LRP1: variants seen among roughly 807,000 people sequenced by gnomAD.
LRP1 encodes prolow-density lipoprotein receptor-related protein 1.
A neutral mutation model predicts 541.5 loss-of-function variants in LRP1; 51 were observed. The observed-to-expected ratio is 0.09, with a 90% CI of 0.08 to 0.12. The LOEUF is 0.12. LRP1 is among the 10% of genes least tolerant of loss of function. LRP1 has a pLI of 1.00. For synonymous variants in LRP1, 2,219 were observed against 2,470.8 expected (o/e 0.90, Z 3.02); for missense variants, 3,878 against 6,376.2 (o/e 0.61, Z 13.34).
At chr12:57,180,294 G>A in intron 31 of LRP1, 36 bp from the exon 32 acceptor site, 1 of 1,611,202 alleles carries the variant, frequency 6.2e-7, no homozygotes, top group Non-Finnish European at 8.5e-7. Context: ...CCCAGCCCTG[G>A]GCCAGACTCC....
intron 13 of LRP1, among the ~76,000 whole-genome samples, chr12:57,161,828 T>G (rs1342778990): frequency 6.6e-6 from 1 of 152,170 alleles, no homozygotes; most frequent in Non-Finnish European, 1.5e-5. Context: ...ATCACCCGTA[T>G]GTGCCCTATC....
chr12:57,212,567 G>A lies in LRP1; in HGVS notation c.*12G>A, dbSNP rs371796295. 18 of 1,566,636 alleles carry A rather than the reference G, an allele frequency of 1.1e-5. No homozygotes were observed. Among genetic ancestry groups the A allele is most frequent in the Middle Eastern group, 1.7e-4 (1 of 5,822 alleles). The stretch of plus-strand genomic sequence containing the variant: ...ACCCCTTGGCATAGGGCCCTGCCCC[G>A]TCGGACTGCCCCCAGAAAGCCTCCT... On this transcript the variant is annotated 3_prime_UTR_variant, in exon 89 of 89. Coordinates refer to ENST00000243077, the MANE Select transcript of LRP1 (RefSeq NM_002332.3). This position sits in a 1 kb window ranked among gnomAD's most constrained non-coding sequence, Gnocchi z 5.0.
intron 2 of LRP1, among the ~76,000 whole-genome samples, chr12:57,139,156 A>T (rs2035235548): frequency 6.6e-6 from 1 of 152,076 alleles, no homozygotes; most frequent in Non-Finnish European, 1.5e-5. Flanking sequence ...TGTTGGTGGG[A>T]CCCCAGAGTC....
chr12:57,196,808 C>T (rs988980689), intron 55 of LRP1, among the ~76,000 whole-genome samples, 174 bp from the exon 56 acceptor site: 4 of 152,146 alleles, frequency 2.6e-5, no homozygotes, highest in Non-Finnish European at 5.9e-5. Context: ...AAATGACACT[C>T]GGGGGCACAC....
At position 57,179,241 on chromosome 12, in the gene LRP1, G is replaced by T. The variant is rs34892779; in HGVS notation, c.4739-88G>T. ...AGCCAAGGGCCAGTAGCAAACAGACGGATCCAGAAGAAGGCAGGGCCTGAA... is the reference window on the plus strand; with the variant it reads ...AGCCAAGGGCCAGTAGCAAACAGACTGATCCAGAAGAAGGCAGGGCCTGAA... On this transcript the variant is annotated intron_variant, in intron 28 of 88. Transcript: ENST00000243077. The surrounding 1 kb of genome is among the most constrained non-coding windows in gnomAD (Gnocchi z 6.8). 26 of 1,235,842 alleles carry T rather than the reference G, an allele frequency of 2.1e-5. No homozygotes were observed. In the African/African-American group the frequency reaches 3.3e-4, roughly 16 times the overall value. The allele number at this position is 1,235,842 out of a possible 1,614,324, so 76.6% of individuals were successfully genotyped here. A position where few individuals can be genotyped will look rare whatever the true frequency, so the allele number is the denominator to read the frequency against.
intron 79 of LRP1, 24 bp downstream of exon 79, chr12:57,209,223 G>A: frequency 6.3e-7 from 1 of 1,587,114 alleles, no homozygotes; most frequent in Non-Finnish European, 8.6e-7. Context: ...ATAAGTCGCA[G>A]TCCCCAGCCC....
In LRP1 at chr12:57,206,845, G is replaced by A. The variant is rs2036790953; in HGVS notation, c.11859+104G>A. On this transcript the variant is annotated intron_variant, in intron 76 of 88. Coordinates refer to ENST00000243077, the MANE Select transcript of LRP1 (RefSeq NM_002332.3). This position sits in a 1 kb window ranked among gnomAD's most constrained non-coding sequence, Gnocchi z 4.7. ...GTGCTGGCTAGGCGCAGTGGCTCAC[G>A]CCTATAATCCCAGCACTTTGGGAGG... 5 of 1,334,750 alleles carry A rather than the reference G, an allele frequency of 3.7e-6. No individual in the cohort carries two copies. The highest frequency in any genetic ancestry group is 5.1e-6 in the Non-Finnish European group (5 of 974,138). The allele number at this position is 1,334,750 out of a possible 1,614,324, so 82.7% of individuals were successfully genotyped here.
Position 57,184,629 on chromosome 12 carries a change from G to A in LRP1, c.6186+177G>A, listed in dbSNP as rs533664295. ...ACCACAGAGATGATGGGCAGGGGTC[G>A]CTCAGAAGTGGGGAGTGGGGGAGTG... is the stretch of plus-strand genomic sequence containing the variant. On this transcript the variant is annotated intron_variant, in intron 38 of 88. Transcript: ENST00000243077. The surrounding 1 kb of genome is among the most constrained non-coding windows in gnomAD (Gnocchi z 7.8). Among the ~76,000 whole-genome samples the A allele has an allele frequency of 3.9e-5, 6 of 152,160 alleles. No individual in the cohort carries two copies. The South Asian group carries it at 1.2e-3, about 32-fold the overall frequency.
chr12:57,183,442 A>C lies in LRP1; in HGVS notation c.5726A>C (p.Asn1909Thr), dbSNP rs201359830. 6.2e-7 allele frequency: 1 copy of C among 1,614,202 alleles called. No homozygotes were observed. The highest frequency in any genetic ancestry group is 1.1e-5 in the South Asian group (1 of 91,092). The change falls in exon 35 of 89, where the codon AAT becomes ACT. Residue 1909 changes from asparagine to threonine, a missense_variant. Coordinates refer to ENST00000243077, the MANE Select transcript of LRP1 (RefSeq NM_002332.3). The surrounding 1 kb of genome is among the most constrained non-coding windows in gnomAD (Gnocchi z 6.1). ...ATCAGGGGAATTCCCCTGGATCCCA[A>C]TGACAAGTCAGATGCCCTGGTCCCA... ...EGIRGIPLDP[N>T]DKSDALVPVS...
At chr12:57,142,493 A>T (rs761691637) in intron 3 of LRP1, among the ~76,000 whole-genome samples, 10 of 151,996 alleles carry the variant, frequency 6.6e-5, no homozygotes, top group Non-Finnish European at 8.8e-5. Flanking sequence ...TTGATTTTGC[A>T]TGTTTTCATC....
At position 57,158,550 on chromosome 12, in the gene LRP1, C is replaced by T. The variant is rs148179772; in HGVS notation, c.1710C>T (p.Thr570=). Residue 570 remains threonine, a synonymous_variant, in exon 11 of 89, where the codon ACC becomes ACT. Coordinates refer to ENST00000243077, the MANE Select transcript of LRP1 (RefSeq NM_002332.3). The surrounding 1 kb of genome is among the most constrained non-coding windows in gnomAD (Gnocchi z 5.3). ...GAGCCCTGGACTTCCACGCTGAGAC[C>T]GGCTTCATCTACTTTGCCGACACCA... ...NPRALDFHAE[T]GFIYFADTTS... 2.5e-5 allele frequency: 41 copies of T among 1,614,082 alleles called. No homozygotes were observed. Among genetic ancestry groups the T allele is most frequent in the South Asian group, 8.8e-5 (8 of 91,082 alleles).
At chr12:57,166,690 CT>C (rs2035847222) in intron 17 of LRP1, among the ~76,000 whole-genome samples, 1 of 152,162 alleles carries the variant, frequency 6.6e-6, no homozygotes, top group Admixed American at 6.5e-5. Context: ...CAGAGCATAG[CT>C]CTAGACTGGA....
chr12:57,166,353 A>C, intron 17 of LRP1, 144 bp downstream of exon 17: 1 of 1,132,580 alleles, frequency 8.8e-7, no homozygotes, highest in Non-Finnish European at 1.2e-6. Flanking sequence ...CCAGGAGCTC[A>C]AGACCAGCCT....
intron 1 of LRP1, among the ~76,000 whole-genome samples, chr12:57,135,519 C>T (rs1475498984): frequency 6.6e-6 from 1 of 152,222 alleles, no homozygotes; most frequent in East Asian, 1.9e-4. Flanking sequence ...TTCCCTCTCC[C>T]CCTGAAGGAA....
chr12:57,133,862 C>G (rs1265175452), intron 1 of LRP1, among the ~76,000 whole-genome samples: 5 of 152,020 alleles, frequency 3.3e-5, no homozygotes, highest in African/African-American at 1.2e-4. Flanking sequence ...TCCTTGCTCT[C>G]GCTCCCTCAA....
At position 57,158,559 on chromosome 12, in the gene LRP1, C is replaced by T. The variant is rs568919727; in HGVS notation, c.1719C>T (p.Ile573=). The T allele has an allele frequency of 6.2e-7, 1 of 1,614,196 alleles. No individual in the cohort carries two copies. Among genetic ancestry groups the T allele is most frequent in the South Asian group, 1.1e-5 (1 of 91,080 alleles). Residue 573 remains isoleucine, a synonymous_variant, in exon 11 of 89, where the codon ATC becomes ATT. Coordinates refer to ENST00000243077, the MANE Select transcript of LRP1 (RefSeq NM_002332.3). This position sits in a 1 kb window ranked among gnomAD's most constrained non-coding sequence, Gnocchi z 5.3. The part of the protein sequence containing the change: ...ALDFHAETGF[I]YFADTTSYLI... ...ACTTCCACGCTGAGACCGGCTTCAT[C>T]TACTTTGCCGACACCACCAGCTACC...
At position 57,204,221 on chromosome 12, in the gene LRP1, C is replaced by T; in HGVS notation, c.10952-189C>T. The T allele has an allele frequency of 1.7e-6, 1 of 593,462 alleles. No individual in the cohort carries two copies. The highest frequency in any genetic ancestry group is 3.4e-5 in the South Asian group (1 of 29,652). 36.8% of individuals were successfully genotyped at this position (593,462 alleles called of 1,614,324 possible). On this transcript the variant is annotated intron_variant, in intron 70 of 88. Transcript: ENST00000243077. This position sits in a 1 kb window ranked among gnomAD's most constrained non-coding sequence, Gnocchi z 5.3. ...TCCTCCAGACACCCCTGAAAAATGG[C>T]CTCTTCTCCCCTAAATACCAGAGGG...
intron 45 of LRP1, 82 bp downstream of exon 45, chr12:57,193,052 C>T: frequency 6.3e-7 from 1 of 1,583,938 alleles, no homozygotes; most frequent in Non-Finnish European, 8.6e-7. Flanking sequence ...CATGCTCCAG[C>T]CCAGCCCCCC....
At position 57,179,591 on chromosome 12, in the gene LRP1, T is replaced by C. The variant is rs1397542238; in HGVS notation, c.4966+35T>C. 7.0e-6 allele frequency: 11 copies of C among 1,581,752 alleles called. No homozygotes were observed. The highest frequency in any genetic ancestry group is 2.2e-5 in the East Asian group (1 of 44,590). ...GGCCCTGGATGCCCACCAGTGGACA[T>C]GGGCACCTCCACCCGCCCCTTGCTC... On this transcript the variant is annotated intron_variant, in intron 29 of 88. Coordinates refer to ENST00000243077, the MANE Select transcript of LRP1 (RefSeq NM_002332.3). The surrounding 1 kb of genome is among the most constrained non-coding windows in gnomAD (Gnocchi z 6.8).
Sources: gnomAD v4.1 joint callset for allele counts (sites outside exome capture counted in the v4.1 genomes callset) on GRCh38, gnomAD v4.1.1 for gene constraint, Gnocchi (gnomAD v3.1) non-coding constraint, MANE v1.5 for transcripts, NCBI Gene and HGNC (gene_info 2026-07-23, HGNC 2026-07-21) for gene names.